SLC4A3: variants seen among roughly 807,000 people sequenced by gnomAD.
The protein encoded by SLC4A3 is solute carrier family 4 member 3.
Under a neutral mutation model 114.2 loss-of-function variants are expected in SLC4A3, and 47 were observed. The ratio of observed to expected loss-of-function variants is 0.41; its 90% CI spans 0.33 to 0.52. SLC4A3 has a LOEUF of 0.52. Ranked by LOEUF, SLC4A3 falls within the 20% of genes least tolerant of loss-of-function variation. The pLI is 0.21. For synonymous variants in SLC4A3, 693 were observed against 710.3 expected (o/e 0.98, Z 0.39); for missense variants, 1,312 against 1,668.3 (o/e 0.79, Z 3.72).
chr2:219,628,297 C>G lies in SLC4A3; in HGVS notation c.52-108C>G, dbSNP rs112657458. ...GGCCTGGGAGCAAGGGGAGGGGGCC[C>G]GATGGTGTGAGAGCCTGCTGAGCTC... On this transcript the variant is annotated intron_variant, in intron 2 of 22. Transcript: ENST00000358055. This position sits in a 1 kb window ranked among gnomAD's most constrained non-coding sequence, Gnocchi z 4.8. 4.9e-6 allele frequency: 6 copies of G among 1,213,614 alleles called. No individual in the cohort carries two copies. The highest frequency in any genetic ancestry group is 4.6e-5 in the African/African-American group (3 of 65,104). 75.2% of individuals were successfully genotyped at this position (1,213,614 alleles called of 1,614,324 possible). A position where few individuals can be genotyped will look rare whatever the true frequency, so the allele number is the denominator to read the frequency against.
chr2:219,628,671 C>A lies in SLC4A3; in HGVS notation c.217+101C>A. ...TCCGGCTTGGTCACCCAGTGCCATC[C>A]TGTGCCGGACACTGTGCTGGACTCT... On this transcript the variant is annotated intron_variant, in intron 3 of 22. Coordinates refer to ENST00000358055, the MANE Select transcript of SLC4A3 (RefSeq NM_005070.4). This position sits in a 1 kb window ranked among gnomAD's most constrained non-coding sequence, Gnocchi z 4.8. 8.4e-7 allele frequency: 1 copy of A among 1,188,884 alleles called. No individual in the cohort carries two copies. Among genetic ancestry groups the A allele is most frequent in the Non-Finnish European group, 1.2e-6 (1 of 826,542 alleles). 73.6% of individuals were successfully genotyped at this position (1,188,884 alleles called of 1,614,324 possible).
Position 219,639,930 on chromosome 2 carries a change from TTCTC to T in SLC4A3, c.3277+201_3277+204del, listed in dbSNP as rs555806595. Among the ~76,000 whole-genome samples the T allele has an allele frequency of 6.6e-6, 1 of 152,024 alleles. No homozygotes were observed. The highest frequency in any genetic ancestry group is 1.5e-5 in the Non-Finnish European group (1 of 67,996). On this transcript the variant is annotated intron_variant, in intron 20 of 22. Transcript: ENST00000358055. This position sits in a 1 kb window ranked among gnomAD's most constrained non-coding sequence, Gnocchi z 5.9. The stretch of plus-strand genomic sequence containing the variant: ...TTCTGGCTCTCTGTCCTGCCCCCTC[TTCTC>T]TCTCTTTTTTTTTGAGACGGAGTCT...
Position 219,638,263 on chromosome 2 carries a change from C to T in SLC4A3, c.2856+10C>T. 1 of 1,599,506 alleles carries T rather than the reference C, an allele frequency of 6.3e-7. No homozygotes were observed. The highest frequency in any genetic ancestry group is 8.6e-7 in the Non-Finnish European group (1 of 1,169,056). ...AGACACCTACACGCAGGTGAGGGAGCCCCAGCCTGTGGCAGCTGCTGTCAC... is the reference window on the plus strand; with the variant it reads ...AGACACCTACACGCAGGTGAGGGAGTCCCAGCCTGTGGCAGCTGCTGTCAC... On this transcript the variant is annotated intron_variant, in intron 18 of 22. Transcript: ENST00000358055. This position sits in a 1 kb window ranked among gnomAD's most constrained non-coding sequence, Gnocchi z 7.5.
rs1698877432 is a variant in SLC4A3, at chr2:219,630,369, G to A, written c.811+17G>A. 1 of 1,584,094 alleles carries A rather than the reference G, an allele frequency of 6.3e-7. No homozygotes were observed. The highest frequency in any genetic ancestry group is 8.6e-7 in the Non-Finnish European group (1 of 1,165,170). On this transcript the variant is annotated intron_variant, in intron 6 of 22. Transcript: ENST00000358055. This position sits in a 1 kb window ranked among gnomAD's most constrained non-coding sequence, Gnocchi z 6.9. ...ACATGAAGAGTGAGTGAGACCTTGT[G>A]GCAGCCCCCATGGTCCACTGCGACG...
In SLC4A3 at chr2:219,631,526, C is replaced by T. The variant is rs988772056; in HGVS notation, c.812-442C>T. 1.9e-5 allele frequency: 24 copies of T among 1,246,404 alleles called. No individual in the cohort carries two copies. Among genetic ancestry groups the T allele is most frequent in the East Asian group, 1.1e-4 (2 of 17,652 alleles). The allele number at this position is 1,246,404 out of a possible 1,614,324, so 77.2% of individuals were successfully genotyped here. On this transcript the variant is annotated intron_variant, in intron 6 of 22. Coordinates refer to ENST00000358055, the MANE Select transcript of SLC4A3 (RefSeq NM_005070.4). This position sits in a 1 kb window ranked among gnomAD's most constrained non-coding sequence, Gnocchi z 6.3. ...GGTGGGGCAGACAGGAGGAAGGGAG[C>T]GAAGCCCTGCCTGAGTCTACTGGGC...
In SLC4A3 at chr2:219,641,073, G is replaced by T; in HGVS notation, c.3621+111G>T. ...TAGTTGTGAAACTTGTGTAACTTGTGTTGCAAGTTATCTCACCTTCCGAAA... is the reference window on the plus strand; with the variant it reads ...TAGTTGTGAAACTTGTGTAACTTGTTTTGCAAGTTATCTCACCTTCCGAAA... On this transcript the variant is annotated intron_variant, in intron 22 of 22. Transcript: ENST00000358055. This position sits in a 1 kb window ranked among gnomAD's most constrained non-coding sequence, Gnocchi z 4.0. The T allele has an allele frequency of 9.6e-7, 1 of 1,044,632 alleles. No homozygotes were observed. Among genetic ancestry groups the T allele is most frequent in the Non-Finnish European group, 1.4e-6 (1 of 718,250 alleles). 64.7% of individuals were successfully genotyped at this position (1,044,632 alleles called of 1,614,324 possible). A position where few individuals can be genotyped will look rare whatever the true frequency, so the allele number is the denominator to read the frequency against.
In SLC4A3 at chr2:219,641,845, C is replaced by G. The variant is rs540355591; in HGVS notation, c.*117C>G. Reference sequence around the variant, plus strand: ...TCAGGACCCAGAGATGTGCCTGGAACCACTCCTGATGCCATGGCTAGAGTG... The same window carrying G: ...TCAGGACCCAGAGATGTGCCTGGAAGCACTCCTGATGCCATGGCTAGAGTG... On this transcript the variant is annotated 3_prime_UTR_variant, in exon 23 of 23. Transcript: ENST00000358055. This position sits in a 1 kb window ranked among gnomAD's most constrained non-coding sequence, Gnocchi z 4.0. 1 of 796,684 alleles carries G rather than the reference C, an allele frequency of 1.3e-6. No individual in the cohort carries two copies. Among genetic ancestry groups the G allele is most frequent in the Admixed American group, 2.4e-5 (1 of 41,964 alleles). 49.4% of individuals were successfully genotyped at this position (796,684 alleles called of 1,614,324 possible).
At position 219,640,909 on chromosome 2, in the gene SLC4A3, C is replaced by A. The variant is rs1364123313; in HGVS notation, c.3568C>A (p.Pro1190Thr). ...AFPFLLLLTV[P>T]LRHCLLPRLF... is the part of the protein sequence containing the mutation. ...TCCCTTCCTGCTGCTGCTCACGGTG[C>A]CTCTGAGGCATTGCCTTCTGCCCCG... The change falls in exon 22 of 23, where the codon CCT becomes ACT. Residue 1190 changes from proline to threonine, a missense_variant. Physicochemically the swap from Pro to Thr is conservative, Grantham distance 38 (BLOSUM62 -1). Around this residue, in one of 4 missense-constraint regions of SLC4A3, gnomAD observed 301 missense variants for 460.7 expected, o/e 0.65. Transcript: ENST00000358055. 1.9e-6 allele frequency: 3 copies of A among 1,610,546 alleles called. No homozygotes were observed. Among genetic ancestry groups the A allele is most frequent in the African/African-American group, 2.7e-5 (2 of 74,890 alleles).
chr2:219,629,203 C>G lies in SLC4A3; in HGVS notation c.277C>G (p.His93Asp). The stretch of plus-strand genomic sequence containing the variant: ...GCTCTCAGCGCGCCTGCCTCCACCC[C>G]ACAAGCTGCGGCGGCTGCCCCCCAC... ...HPLSARLPPP[H>D]KLRRLPPTSA... The change falls in exon 4 of 23, where the codon CAC (histidine) becomes GAC (aspartate). Residue 93 changes from histidine (H) to aspartate (D), a missense_variant. Physicochemically the swap from His to Asp is moderately conservative, Grantham distance 81. Transcript: ENST00000358055. 1.2e-6 allele frequency: 2 copies of G among 1,612,858 alleles called. No homozygotes were observed. Among genetic ancestry groups the G allele is most frequent in the East Asian group, 2.2e-5 (1 of 44,854 alleles).
At chr2:219,629,017 T>C (rs988227686) in intron 3 of SLC4A3, 127 bp from the exon 4 acceptor site, 2 of 1,140,686 alleles carry the variant, frequency 1.8e-6, no homozygotes, top group South Asian at 1.7e-5. Context: ...TGTTGGGGGG[T>C]CATGGCCCTG....
In SLC4A3 at chr2:219,629,314, G is replaced by C. The variant is rs372011999; in HGVS notation, c.388G>C (p.Gly130Arg). ...SEGTPPIQEE[G>R]GAGVDEEEEE... ...GGGGACCCCTCCCATCCAGGAGGAGGGGGGAGCTGGAGTGGATGAGGAAGA... is the reference window on the plus strand; with the variant it reads ...GGGGACCCCTCCCATCCAGGAGGAGCGGGGAGCTGGAGTGGATGAGGAAGA... The change falls in exon 4 of 23, where the codon GGG becomes CGG. Residue 130 changes from glycine (G) to arginine (R), a missense_variant. By Grantham distance (125) the Gly-to-Arg change is moderately radical. This residue lies in a region of SLC4A3 where 236 missense variants were observed against 212.1 expected (regional missense o/e 1.11). Coordinates refer to ENST00000358055, the MANE Select transcript of SLC4A3 (RefSeq NM_005070.4). The C allele has an allele frequency of 6.8e-6, 11 of 1,613,312 alleles. No homozygotes were observed. Among genetic ancestry groups the C allele is most frequent in the African/African-American group, 5.3e-5 (4 of 74,916 alleles).
Position 219,637,573 on chromosome 2 carries a change from A to G in SLC4A3, c.2536-8A>G, listed in dbSNP as rs1699169173. On this transcript the variant is annotated splice_polypyrimidine_tract_variant and splice_region_variant and intron_variant, in intron 16 of 22. Coordinates refer to ENST00000358055, the MANE Select transcript of SLC4A3 (RefSeq NM_005070.4). The surrounding 1 kb of genome is among the most constrained non-coding windows in gnomAD (Gnocchi z 4.6). Reference sequence around the variant, plus strand: ...GAGTGACAAGGCATCCTTGTTATCCACACACAGGTGTTCACAGAGCACCCA... The same window carrying G: ...GAGTGACAAGGCATCCTTGTTATCCGCACACAGGTGTTCACAGAGCACCCA... 1 of 1,504,566 alleles carries G rather than the reference A, an allele frequency of 6.6e-7. No homozygotes were observed. The highest frequency in any genetic ancestry group is 1.4e-5 in the African/African-American group (1 of 72,476). 93.2% of individuals were successfully genotyped at this position (1,504,566 alleles called of 1,614,324 possible).
rs1182649462 is a variant in SLC4A3 at position 219,630,038 on chromosome 2, G to A, written c.612-115G>A. The A allele has an allele frequency of 2.6e-6, 4 of 1,519,568 alleles. No homozygotes were observed. In the South Asian group the frequency reaches 4.0e-5, roughly 15 times the overall value. 94.1% of individuals were successfully genotyped at this position (1,519,568 alleles called of 1,614,324 possible). A position where few individuals can be genotyped will look rare whatever the true frequency, so the allele number is the denominator to read the frequency against. ...GGTCAGCATCCTTTGCTGCCCAGGAGGGGCCTGGGTCTCATGCTCAGGGTC... is the reference window on the plus strand; with the variant it reads ...GGTCAGCATCCTTTGCTGCCCAGGAAGGGCCTGGGTCTCATGCTCAGGGTC... On this transcript the variant is annotated intron_variant, in intron 5 of 22. Coordinates refer to ENST00000358055, the MANE Select transcript of SLC4A3 (RefSeq NM_005070.4). The surrounding 1 kb of genome is among the most constrained non-coding windows in gnomAD (Gnocchi z 6.9).
chr2:219,635,170 C>A, intron 12 of SLC4A3, 101 bp from the exon 13 acceptor site: 1 of 864,536 alleles, frequency 1.2e-6, no homozygotes, highest in Non-Finnish European at 1.9e-6. Context: ...ACTGAATGTC[C>A]ACCCTGCCTG....
At position 219,634,403 on chromosome 2, in the gene SLC4A3, C is replaced by CT. The variant is rs1326062410; in HGVS notation, c.1562-14dup. ...GCTTCTCTTTGCCCAGCGCCCTGTG[C>CT]TTTCCTCTTCCCCTAGGTTGTGTGC... On this transcript the variant is annotated splice_polypyrimidine_tract_variant and intron_variant, in intron 11 of 22. Transcript: ENST00000358055. 6.2e-6 allele frequency: 10 copies of CT among 1,612,940 alleles called. No individual in the cohort carries two copies. In the African/African-American group the frequency reaches 1.3e-4, roughly 22 times the overall value.
Position 219,637,639 on chromosome 2 carries a change from CCCTGGA to C in SLC4A3, c.2595_2600del (p.Leu866_Asp867del), listed in dbSNP as rs1699172965. Reference sequence around the variant, plus strand: ...CCCCCTGAGGGGGCCCTGGAGGGGTCCCTGGATGCTGGTCTGGAGCCAAATGGCAGT... The same window carrying C: ...CCCCCTGAGGGGGCCCTGGAGGGGTCTGCTGGTCTGGAGCCAAATGGCAGT... On this transcript the variant is annotated inframe_deletion, in exon 17 of 23. Transcript: ENST00000358055. The surrounding 1 kb of genome is among the most constrained non-coding windows in gnomAD (Gnocchi z 4.6). The C allele has an allele frequency of 1.9e-6, 3 of 1,613,008 alleles. No homozygotes were observed. Among genetic ancestry groups the C allele is most frequent in the Non-Finnish European group, 2.5e-6 (3 of 1,179,260 alleles).
At chr2:219,640,327 G>A (rs1013145738) in intron 20 of SLC4A3, 103 bp from the exon 21 acceptor site, 2 of 1,340,508 alleles carry the variant, frequency 1.5e-6, no homozygotes, top group African/African-American at 1.5e-5. Flanking sequence ...CATCCTCACG[G>A]GGGCTGTCTG....
Position 219,628,333 on chromosome 2 carries a change from G to A in SLC4A3, c.52-72G>A. The A allele has an allele frequency of 7.0e-7, 1 of 1,436,548 alleles. No individual in the cohort carries two copies. The highest frequency in any genetic ancestry group is 9.3e-7 in the Non-Finnish European group (1 of 1,071,334). 89.0% of individuals were successfully genotyped at this position (1,436,548 alleles called of 1,614,324 possible). A position where few individuals can be genotyped will look rare whatever the true frequency, so the allele number is the denominator to read the frequency against. On this transcript the variant is annotated intron_variant, in intron 2 of 22. Coordinates refer to ENST00000358055, the MANE Select transcript of SLC4A3 (RefSeq NM_005070.4). The surrounding 1 kb of genome is among the most constrained non-coding windows in gnomAD (Gnocchi z 4.8). ...GAGCCTGCTGAGCTCCCCCAACTAG[G>A]GCTTGGAGTTGGGGTGGGTGTGGGG...
rs1471232473 is a variant in SLC4A3 at position 219,629,312 on chromosome 2, A to G, written c.386A>G (p.Glu129Gly). The change falls in exon 4 of 23, where the codon GAG becomes GGG. Residue 129 changes from glutamate (E) to glycine (G), a missense_variant. Physicochemically the swap from Glu to Gly is moderately conservative, Grantham distance 98 (BLOSUM62 -2). Transcript: ENST00000358055. ...PSEGTPPIQE[E>G]GGAGVDEEEE... Reference sequence around the variant, plus strand: ...GAGGGGACCCCTCCCATCCAGGAGGAGGGGGGAGCTGGAGTGGATGAGGAA... The same window carrying G: ...GAGGGGACCCCTCCCATCCAGGAGGGGGGGGGAGCTGGAGTGGATGAGGAA... 1 of 1,612,896 alleles carries G rather than the reference A, an allele frequency of 6.2e-7. No individual in the cohort carries two copies. The highest frequency in any genetic ancestry group is 8.5e-7 in the Non-Finnish European group (1 of 1,179,478).
Sources: gnomAD v4.1 joint callset for allele counts (sites outside exome capture counted in the v4.1 genomes callset) on GRCh38, gnomAD v4.1.1 for gene constraint, gnomAD v4.1.1 regional missense constraint, Gnocchi (gnomAD v3.1) non-coding constraint, MANE v1.5 for transcripts, NCBI Gene and HGNC (gene_info 2026-07-23, HGNC 2026-07-21) for gene names.